The following LSAMP variants were observed in gnomAD, a reference collection of about 807,000 sequenced individuals.
The protein encoded by LSAMP is limbic system-associated membrane protein.
A neutral mutation model predicts 38.6 loss-of-function variants in LSAMP; 7 were observed. The observed-to-expected ratio is 0.18, with a 90% CI of 0.10 to 0.34. The LOEUF is 0.34. LSAMP is among the 10% of genes least tolerant of loss of function. LSAMP has a pLI of 1.00. For synonymous variants in LSAMP, 154 were observed against 166.8 expected, an observed-to-expected ratio of 0.92 and a Z score of 0.59; for missense variants, 313 against 420.0, an observed-to-expected ratio of 0.75 and a Z score of 2.23.
intron 1 of LSAMP, among the ~76,000 whole-genome samples, chr3:116,234,526 C>T (rs1032159711): frequency 6.6e-6 from 1 of 151,604 alleles, no homozygotes; most frequent in Non-Finnish European, 1.5e-5. Flanking sequence ...ATCCTGTTAC[C>T]ACCAAAAGAA....
At chr3:115,941,101 C>T (rs1937904451) in intron 3 of LSAMP, among the ~76,000 whole-genome samples, 1 of 151,724 alleles carries the variant, frequency 6.6e-6, no homozygotes, top group African/African-American at 2.4e-5. Flanking sequence ...CTCAAATGAC[C>T]CAATTAAGAA....
chr3:116,153,675 A>C (rs1709675122), intron 1 of LSAMP, among the ~76,000 whole-genome samples: 1 of 152,098 alleles, frequency 6.6e-6, no homozygotes, highest in Non-Finnish European at 1.5e-5. Flanking sequence ...CACTTTACTT[A>C]GAAATCTTTT....
intron 3 of LSAMP, among the ~76,000 whole-genome samples, chr3:115,992,640 T>A (rs1209211978): frequency 1.3e-5 from 2 of 152,042 alleles, no homozygotes; most frequent in Admixed American, 1.3e-4. Context: ...AAAAATGCAT[T>A]TATTTTGTGT....
chr3:115,840,888 A>T (rs767506691), intron 6 of LSAMP, among the ~76,000 whole-genome samples: 1 of 151,752 alleles, frequency 6.6e-6, no homozygotes, highest in Non-Finnish European at 1.5e-5. Flanking sequence ...CTTTTTTTAG[A>T]CTTTTCCCTT....
At chr3:116,058,888 A>C (rs995154766) in intron 2 of LSAMP, among the ~76,000 whole-genome samples, 1 of 152,038 alleles carries the variant, frequency 6.6e-6, no homozygotes, top group Non-Finnish European at 1.5e-5. Context: ...GAAAGGAACC[A>C]AGCAAAGATG....
In LSAMP at chr3:116,227,460, C is replaced by T. The variant is rs117814500; in HGVS notation, c.156-140904G>A. Among the ~76,000 whole-genome samples, 108 of 152,294 alleles carry T rather than the reference C, an allele frequency of 7.1e-4. No individual in the cohort carries two copies. The East Asian group carries it at 0.014, about 20-fold the overall frequency. On this transcript the variant is annotated intron_variant, in intron 1 of 6. Coordinates refer to ENST00000490035, the MANE Select transcript of LSAMP (RefSeq NM_002338.5). ...TATAAACTTAGCACAATACCAAATA[C>T]GAATCAGACAGTAAACTAATATTTG...
chr3:115,969,622 C>A (rs1377306213), intron 3 of LSAMP, among the ~76,000 whole-genome samples: 1 of 152,200 alleles, frequency 6.6e-6, no homozygotes. Flanking sequence ...CCTTCACCAC[C>A]ATCTTGGTAT....
chr3:116,067,100 C>G (rs1559729452), intron 2 of LSAMP, among the ~76,000 whole-genome samples: 1 of 152,092 alleles, frequency 6.6e-6, no homozygotes, highest in Non-Finnish European at 1.5e-5. Flanking sequence ...CAGTAACTCC[C>G]TTCAATGTGC....
chr3:116,110,126 A>G (rs1431617853), intron 1 of LSAMP, among the ~76,000 whole-genome samples: 1 of 150,352 alleles, frequency 6.7e-6, no homozygotes, highest in Non-Finnish European at 1.5e-5. Flanking sequence ...GAAGGGGTTG[A>G]GGGGTACTTG....
chr3:116,318,063 G>A (rs187720296), intron 1 of LSAMP, among the ~76,000 whole-genome samples: 1 of 149,652 alleles, frequency 6.7e-6, no homozygotes, highest in Admixed American at 6.7e-5. Flanking sequence ...TTGAACCCTG[G>A]AGGCGGAGGT....
chr3:116,384,646 C>T (rs2048602691), intron 1 of LSAMP, among the ~76,000 whole-genome samples: 1 of 152,066 alleles, frequency 6.6e-6, no homozygotes, highest in African/African-American at 2.4e-5. Flanking sequence ...ACAGATGGTG[C>T]ATTGTTCTCA....
At chr3:115,869,269 G>GGGGA (rs1352019629) in intron 3 of LSAMP, among the ~76,000 whole-genome samples, 15 of 128,452 alleles carry the variant, frequency 1.2e-4, no homozygotes, top group East Asian at 2.2e-4. Context: ...TCTTGGAGGG[G>GGGGA]GAGAGAGAGA....
intron 1 of LSAMP, among the ~76,000 whole-genome samples, chr3:116,392,369 C>T (rs936779988): frequency 1.3e-5 from 2 of 152,232 alleles, no homozygotes; most frequent in African/African-American, 4.8e-5. Flanking sequence ...ACTGTTCACA[C>T]TTGCTCCAAT....
At chr3:115,939,528 T>TTCTC (rs1559889001) in intron 3 of LSAMP, among the ~76,000 whole-genome samples, 32 of 111,950 alleles carry the variant, frequency 2.9e-4, no homozygotes, top group East Asian at 5.6e-4. Context: ...TATGTTCTCT[T>TTCTC]TCTCTTTCTT....
chr3:116,143,709 T>G (rs1709426278), intron 1 of LSAMP, among the ~76,000 whole-genome samples: 1 of 151,974 alleles, frequency 6.6e-6, no homozygotes, highest in African/African-American at 2.4e-5. Flanking sequence ...TGTTTCCTAT[T>G]TTATTAGCTT....
chr3:116,238,632 T>C (rs1388322714), intron 1 of LSAMP, among the ~76,000 whole-genome samples: 1 of 152,170 alleles, frequency 6.6e-6, no homozygotes, highest in African/African-American at 2.4e-5. Context: ...GCCTATTTCA[T>C]CATGGTAGTA....
intron 3 of LSAMP, among the ~76,000 whole-genome samples, chr3:115,964,116 C>T (rs1348052996): frequency 6.6e-6 from 1 of 152,198 alleles, no homozygotes; most frequent in African/African-American, 2.4e-5. Context: ...GTTCAATTGA[C>T]AGTTTTTGCC....
At chr3:115,862,857 A>T (rs1012626850) in intron 3 of LSAMP, among the ~76,000 whole-genome samples, 1 of 152,196 alleles carries the variant, frequency 6.6e-6, no homozygotes, top group Non-Finnish European at 1.5e-5. Flanking sequence ...AAGCAGATGG[A>T]TCACAGTGGG....
intron 4 of LSAMP, among the ~76,000 whole-genome samples, chr3:115,851,838 G>A (rs956932508): frequency 2.0e-5 from 3 of 151,668 alleles, no homozygotes; most frequent in African/African-American, 4.8e-5. Context: ...TCCTCCCCCC[G>A]CCCACCCTCT....
Sources: allele counts gnomAD v4.1 joint callset (sites outside exome capture counted in the v4.1 genomes callset), GRCh38; gene constraint gnomAD v4.1.1; transcripts MANE v1.5; gene names NCBI Gene and HGNC (gene_info 2026-07-23, HGNC 2026-07-21).